The following OR2L13 variants were observed in gnomAD, a reference collection of about 807,000 sequenced individuals.
The protein encoded by OR2L13 is olfactory receptor 2L13.
In OR2L13, 14 loss-of-function variants were observed where a neutral mutation model predicts 15.3. The observed-to-expected ratio is 0.91, with a 90% CI of 0.60 to 1.43. The LOEUF (loss-of-function observed/expected upper bound fraction) is 1.43, where lower values mean the gene tolerates loss of function less well. Ranked by LOEUF, OR2L13 falls within the 40% of genes most tolerant of loss-of-function variation. The probability of loss-of-function intolerance (pLI) is 0.00; values close to 1 mark genes in which losing one functional copy is unlikely to be tolerated. For missense variants in OR2L13, 367 were observed against 387.9 expected (o/e 0.95, Z 0.45); for synonymous variants, 152 against 142.9 (o/e 1.06, Z -0.45).
chr1:247,962,214 T>C, the OR2L13 span, among the ~76,000 whole-genome samples: 1 of 152,246 alleles, frequency 6.6e-6, no homozygotes, highest in Non-Finnish European at 1.5e-5. Context: ...AATTCTATAA[T>C]TGTAAACTGG....
chr1:248,038,890 T>C, the OR2L13 span: 2 of 1,614,182 alleles, frequency 1.2e-6, no homozygotes, highest in Non-Finnish European at 1.7e-6. Flanking sequence ...TTTCTTGTGC[T>C]TCCTTTCACT....
the OR2L13 span, among the ~76,000 whole-genome samples, chr1:247,956,768 T>G: frequency 6.6e-6 from 1 of 152,310 alleles, no homozygotes; most frequent in Admixed American, 6.5e-5. Context: ...TGTAGAAGAA[T>G]GCTTGTGATT....
chr1:248,061,783 A>G, the OR2L13 span: 1 of 555,660 alleles, frequency 1.8e-6, no homozygotes, highest in Non-Finnish European at 2.9e-6. Flanking sequence ...ATATATATGT[A>G]TATATAACTC....
chr1:248,022,985 A>C, the OR2L13 span: 6 of 1,096,458 alleles, frequency 5.5e-6, no homozygotes, highest in Non-Finnish European at 7.8e-6. Context: ...TATGTCAAAC[A>C]GAGATTAATC....
At chr1:248,023,153 A>G in the OR2L13 span, 1 of 268,306 alleles carries the variant, frequency 3.7e-6, no homozygotes, top group Non-Finnish European at 7.1e-6. Flanking sequence ...ATAAATCAAA[A>G]CAATAAATGT....
the OR2L13 span, among the ~76,000 whole-genome samples, chr1:248,000,122 T>G: frequency 2.5e-5 from 3 of 117,886 alleles, no homozygotes; most frequent in African/African-American, 1.5e-4. Context: ...TTTTTTTTTT[T>G]GGTGTGTGTG....
the OR2L13 span, among the ~76,000 whole-genome samples, chr1:248,075,879 T>G: frequency 6.6e-6 from 1 of 152,220 alleles, no homozygotes; most frequent in Admixed American, 6.5e-5. Context: ...AATTTTGGCT[T>G]TTGTTGCCAT....
the OR2L13 span, chr1:247,975,347 C>G: frequency 1.8e-6 from 1 of 559,504 alleles, no homozygotes; most frequent in African/African-American, 1.9e-5. Context: ...CTCATGTTTA[C>G]CTTTATTGGT....
the OR2L13 span, among the ~76,000 whole-genome samples, chr1:248,012,051 C>G: frequency 1.3e-5 from 2 of 152,124 alleles, no homozygotes; most frequent in Non-Finnish European, 2.9e-5. Context: ...ATAAACCAAA[C>G]AGCTCAGTTT....
chr1:248,070,854 G>C, the OR2L13 span, among the ~76,000 whole-genome samples: 1 of 152,046 alleles, frequency 6.6e-6, no homozygotes, highest in Non-Finnish European at 1.5e-5. Flanking sequence ...ACACCTCCAC[G>C]CAAATAGACT....
At chr1:247,986,842 G>T in the OR2L13 span, among the ~76,000 whole-genome samples, 850 of 152,214 alleles carry the variant, frequency 5.6e-3, 12 homozygotes, top group Middle Eastern at 0.024. Context: ...GTTGTAAGTT[G>T]TATTCCTACG....
At chr1:248,034,194 T>C in the OR2L13 span, among the ~76,000 whole-genome samples, 31 of 152,300 alleles carry the variant, frequency 2.0e-4, no homozygotes, top group Non-Finnish European at 3.4e-4. Context: ...ACCATGCTCA[T>C]GGATAGGTAG....
At chr1:248,079,307 A>C in the OR2L13 span, among the ~76,000 whole-genome samples, 3 of 152,170 alleles carry the variant, frequency 2.0e-5, no homozygotes, top group Non-Finnish European at 4.4e-5. Flanking sequence ...AAATAACGGC[A>C]ACAAAAATTC....
chr1:248,060,857 A>C, the OR2L13 span: 1 of 1,613,884 alleles, frequency 6.2e-7, no homozygotes, highest in Non-Finnish European at 8.5e-7. Flanking sequence ...ACACCCATGT[A>C]TTTCCTACTT....
the OR2L13 span, among the ~76,000 whole-genome samples, chr1:248,073,317 C>T: frequency 1.2e-4 from 19 of 152,146 alleles, no homozygotes; most frequent in Non-Finnish European, 2.6e-4. Context: ...TGAGTTTATG[C>T]CCTTTGTAGG....
At chr1:247,987,058 T>G in the OR2L13 span, among the ~76,000 whole-genome samples, 1 of 152,212 alleles carries the variant, frequency 6.6e-6, no homozygotes, top group East Asian at 1.9e-4. Flanking sequence ...TTTTTTTTGA[T>G]ACTATTGTAA....
chr1:248,084,679 CTT>C, the OR2L13 span: 2 of 1,496,866 alleles, frequency 1.3e-6, no homozygotes, highest in Non-Finnish European at 1.8e-6. Flanking sequence ...TAACTTCCCT[CTT>C]TTTTTTCATA....
At chr1:248,099,549 G>A (rs1461460122) in exon 3 of OR2L13, 34 of 1,613,934 alleles carry the variant, frequency 2.1e-5, no homozygotes, top group Non-Finnish European at 2.6e-5. Context: ...ACACACCGAT[G>A]TACTTTCTTC....
the OR2L13 span, among the ~76,000 whole-genome samples, chr1:247,985,075 A>G: frequency 6.6e-6 from 1 of 151,972 alleles, no homozygotes; most frequent in African/African-American, 2.4e-5. Flanking sequence ...CACTTTTACA[A>G]CTGAATATGT....
Sources: allele counts gnomAD v4.1 joint callset (sites outside exome capture counted in the v4.1 genomes callset), GRCh38; gene constraint gnomAD v4.1.1; transcripts MANE v1.5; gene names NCBI Gene and HGNC (gene_info 2026-07-23, HGNC 2026-07-21).